Variants in HACD2 observed in about 807,000 individuals in gnomAD.
HACD2 encodes the protein very-long-chain (3R)-3-hydroxyacyl-CoA dehydratase 2.
A neutral mutation model predicts 31.0 loss-of-function variants in HACD2; 15 were observed. That is an observed-to-expected ratio of 0.48 (90% confidence interval 0.32 to 0.75). The LOEUF is 0.75. Ranked by LOEUF, HACD2 falls within the 30% of genes least tolerant of loss-of-function variation. The pLI, the probability that HACD2 is intolerant of heterozygous loss-of-function variation, is 0.03. For missense variants in HACD2, 283 were observed against 313.0 expected, an observed-to-expected ratio of 0.90 and a Z score of 0.72; for synonymous variants, 115 against 122.2, an observed-to-expected ratio of 0.94 and a Z score of 0.39.
intron 2 of HACD2, among the ~76,000 whole-genome samples, chr3:123,580,813 G>A (rs2056958041): frequency 6.7e-6 from 1 of 149,824 alleles, no homozygotes; most frequent in African/African-American, 2.5e-5. Context: ...AATTGAGAAT[G>A]AAAGGTAGAG....
chr3:123,558,490 T>A (rs921850116), intron 3 of HACD2, among the ~76,000 whole-genome samples: 1 of 152,136 alleles, frequency 6.6e-6, no homozygotes, highest in Non-Finnish European at 1.5e-5. Context: ...AATGGGAGAC[T>A]ATGCATGCGT....
At chr3:123,544,560 T>C (rs2056532614) in intron 3 of HACD2, among the ~76,000 whole-genome samples, 1 of 152,116 alleles carries the variant, frequency 6.6e-6, no homozygotes, top group Non-Finnish European at 1.5e-5. Flanking sequence ...AGAAGATAAA[T>C]CAAAATCAAT....
chr3:123,546,253 T>A (rs1296252440), intron 3 of HACD2, among the ~76,000 whole-genome samples: 1 of 152,176 alleles, frequency 6.6e-6, no homozygotes, highest in African/African-American at 2.4e-5. Flanking sequence ...ACTATCACTA[T>A]GTGCTATTGC....
chr3:123,505,127 T>G (rs2055957965), intron 4 of HACD2, among the ~76,000 whole-genome samples: 1 of 152,230 alleles, frequency 6.6e-6, no homozygotes, highest in South Asian at 2.1e-4. Context: ...AGATGAACCT[T>G]GAAGACATCA....
intron 2 of HACD2, among the ~76,000 whole-genome samples, chr3:123,571,195 C>T (rs1010691090): frequency 7.2e-5 from 11 of 152,136 alleles, no homozygotes; most frequent in Non-Finnish European, 1.5e-4. Context: ...TGAGACAATA[C>T]CTTCATTTCA....
At chr3:123,533,721 C>T (rs974150473) in intron 3 of HACD2, among the ~76,000 whole-genome samples, 4 of 152,210 alleles carry the variant, frequency 2.6e-5, no homozygotes, top group African/African-American at 9.6e-5. Context: ...CCAGATACCA[C>T]TCTCCACACT....
chr3:123,528,584 G>T, intron 3 of HACD2, 110 bp from the exon 4 acceptor site: 1 of 698,098 alleles, frequency 1.4e-6, no homozygotes, highest in Non-Finnish European at 2.5e-6. Flanking sequence ...ACGGTCTTGA[G>T]CAACTGAAAG....
chr3:123,563,640 TATATACACACACACACAC>T (rs1256125312), intron 3 of HACD2, among the ~76,000 whole-genome samples: 17 of 91,236 alleles, frequency 1.9e-4, no homozygotes, highest in Non-Finnish European at 2.6e-4. Flanking sequence ...CAAAAAAATA[TATATACACACACACACAC>T]ACACACACAC....
intron 2 of HACD2, among the ~76,000 whole-genome samples, chr3:123,578,434 C>A (rs766976485): frequency 4.6e-4 from 70 of 152,170 alleles, no homozygotes; most frequent in African/African-American, 1.5e-3. Flanking sequence ...CCATGCCTGG[C>A]CAATTTTTTA....
At chr3:123,499,591 T>C in intron 6 of HACD2, 1 of 455,812 alleles carries the variant, frequency 2.2e-6, no homozygotes, top group Non-Finnish European at 4.4e-6. Flanking sequence ...GGGTGATTCA[T>C]TCCGATGATG....
intron 4 of HACD2, among the ~76,000 whole-genome samples, chr3:123,518,535 G>A (rs1468449807): frequency 6.6e-6 from 1 of 152,088 alleles, no homozygotes; most frequent in Non-Finnish European, 1.5e-5. Context: ...ATTTAAAAGT[G>A]TTATTTAAAA....
At chr3:123,580,878 C>CA (rs1272217209) in intron 2 of HACD2, among the ~76,000 whole-genome samples, 38 of 125,330 alleles carry the variant, frequency 3.0e-4, no homozygotes, top group African/African-American at 1.1e-3. Flanking sequence ...TTTTTTGAGA[C>CA]AGAGTCTCGT....
At chr3:123,550,210 C>T (rs1271645320) in intron 3 of HACD2, among the ~76,000 whole-genome samples, 4 of 152,164 alleles carry the variant, frequency 2.6e-5, no homozygotes, top group Admixed American at 6.6e-5. Flanking sequence ...CAGGCTTTAG[C>T]AATGGCCAGC....
chr3:123,543,165 TC>T (rs944402795), intron 3 of HACD2, among the ~76,000 whole-genome samples: 2 of 152,090 alleles, frequency 1.3e-5, no homozygotes, highest in African/African-American at 2.4e-5. Context: ...AAACTGGATT[TC>T]CCCCCCTCAA....
intron 4 of HACD2, among the ~76,000 whole-genome samples, chr3:123,516,424 T>C (rs944922151): frequency 2.0e-5 from 3 of 151,612 alleles, no homozygotes; most frequent in African/African-American, 7.3e-5. Context: ...TTAGTAGAGA[T>C]GGGGTTTCAC....
At chr3:123,495,037 T>C (rs1235702511) in intron 6 of HACD2, 67 bp from the exon 7 acceptor site, 15 of 994,420 alleles carry the variant, frequency 1.5e-5, no homozygotes, top group African/African-American at 3.3e-5. Context: ...TTAAAGCATA[T>C]GAAGTTGAGG....
At chr3:123,529,948 T>C (rs960010641) in intron 3 of HACD2, among the ~76,000 whole-genome samples, 2 of 152,140 alleles carry the variant, frequency 1.3e-5, no homozygotes, top group African/African-American at 4.8e-5. Context: ...GGAAAGCTCA[T>C]ATACTGCAAA....
intron 2 of HACD2, among the ~76,000 whole-genome samples, chr3:123,576,659 G>A (rs1283607491): frequency 6.6e-6 from 1 of 152,148 alleles, no homozygotes; most frequent in Non-Finnish European, 1.5e-5. Context: ...CTATTACTGG[G>A]AAATCAGAAT....
intron 4 of HACD2, among the ~76,000 whole-genome samples, chr3:123,510,770 G>A (rs2056050193): frequency 6.6e-6 from 1 of 152,052 alleles, no homozygotes; most frequent in Non-Finnish European, 1.5e-5. Flanking sequence ...GTTCTTTTGG[G>A]TATATTCTTA....
Sources: allele counts gnomAD v4.1 joint callset (sites outside exome capture counted in the v4.1 genomes callset), GRCh38; gene constraint gnomAD v4.1.1; transcripts MANE v1.5; gene names NCBI Gene and HGNC (gene_info 2026-07-23, HGNC 2026-07-21).